Variants in PKDREJ observed in about 807,000 individuals in gnomAD.
PKDREJ encodes the protein polycystin family receptor for egg jelly.
For missense variants in PKDREJ, 2,507 were observed against 2,807.2 expected, an observed-to-expected ratio of 0.89 and a Z score of 2.42; for synonymous variants, 1,031 against 1,095.5, an observed-to-expected ratio of 0.94 and a Z score of 1.16.
In PKDREJ at chr22:46,258,573, C is replaced by G; in HGVS notation, c.4750G>C (p.Val1584Leu). Residue 1584 changes from valine (V) to leucine (L), a missense_variant, in exon 1 of 1, where the codon GTT becomes CTT. Physicochemically the swap from Val to Leu is conservative, Grantham distance 32 (BLOSUM62 1). Coordinates refer to ENST00000253255, the MANE Select transcript of PKDREJ (RefSeq NM_006071.2). This position sits in a 1 kb window ranked among gnomAD's most constrained non-coding sequence, Gnocchi z 6.1. ...GAGGATATGCTAGAAGTAGCAAAAA[C>G]CAAAAACCATGCAACATAAACACAC... ...WWCVYVAWFL[V>L]FATSSISSFF... 3.1e-6 allele frequency: 5 copies of G among 1,614,154 alleles called. No homozygotes were observed. Among genetic ancestry groups the G allele is most frequent in the Non-Finnish European group, 4.2e-6 (5 of 1,180,024 alleles).
chr22:46,256,866 A>G lies in PKDREJ; in HGVS notation c.6457T>C (p.Ser2153Pro), dbSNP rs1332869330. 1 of 1,614,084 alleles carries G rather than the reference A, an allele frequency of 6.2e-7. No individual in the cohort carries two copies. The highest frequency in any genetic ancestry group is 1.1e-5 in the South Asian group (1 of 91,084). The change falls in exon 1 of 1, where the codon TCA becomes CCA. Residue 2153 changes from serine (S) to proline (P), a missense_variant. By Grantham distance (74) the Ser-to-Pro change is moderately conservative. Transcript: ENST00000253255. This position sits in a 1 kb window ranked among gnomAD's most constrained non-coding sequence, Gnocchi z 5.3. ...NNRILGVLFL[S>P]SFMLVMICVL... ...CAGATCATCACCAGCATGAAAGATG[A>G]GAGGAACAGGACCCCCAGAATCCTG...
chr22:46,257,793 C>A lies in PKDREJ; in HGVS notation c.5530G>T (p.Val1844Phe). 6.2e-7 allele frequency: 1 copy of A among 1,614,194 alleles called. No homozygotes were observed. Among genetic ancestry groups the A allele is most frequent in the Non-Finnish European group, 8.5e-7 (1 of 1,180,022 alleles). The change falls in exon 1 of 1, where the codon GTT becomes TTT. Residue 1844 changes from valine (V) to phenylalanine (F), a missense_variant. By Grantham distance (50) the Val-to-Phe change is conservative (BLOSUM62 -1). Transcript: ENST00000253255. This position sits in a 1 kb window ranked among gnomAD's most constrained non-coding sequence, Gnocchi z 4.7. ...CTCTCATCTATAGCCTGCTTATCAA[C>A]TTCATTCCAAAAGCCAGAATAGTTT... ...TKNYSGFWNE[V>F]DKQAIDESTN...
In PKDREJ at chr22:46,261,509, CTG is replaced by C. The variant is rs1469869320; in HGVS notation, c.1812_1813del (p.His604GlnfsTer4). ...TTTTACTGAACTGATTTCACCAACA[CTG>C]TGCAAATCAGAAACAATTATTTTAT... On this transcript the variant is annotated frameshift_variant, in exon 1 of 1. Transcript: ENST00000253255. LOFTEE classifies it low-confidence loss of function (END_TRUNC). The surrounding 1 kb of genome is among the most constrained non-coding windows in gnomAD (Gnocchi z 7.1). 1 of 1,613,906 alleles carries C rather than the reference CTG, an allele frequency of 6.2e-7. No individual in the cohort carries two copies. Among genetic ancestry groups the C allele is most frequent in the African/African-American group, 1.3e-5 (1 of 74,928 alleles).
Position 46,261,183 on chromosome 22 carries a change from C to T in PKDREJ, c.2140G>A (p.Ala714Thr), listed in dbSNP as rs570544658. The change falls in exon 1 of 1, where the codon GCT becomes ACT. Residue 714 changes from alanine (A) to threonine (T), a missense_variant. Ala to Thr is a moderately conservative substitution (Grantham distance 58). Transcript: ENST00000253255. This position sits in a 1 kb window ranked among gnomAD's most constrained non-coding sequence, Gnocchi z 7.1. ...GTTTTCATGTTATTCAAAACGGAAG[C>T]TACTATATACAGTAAGTAACCTGCA... is the stretch of plus-strand genomic sequence containing the variant. ...LPAGYLLYIV[A>T]SVLNNMKTEL... is the part of the protein sequence containing the mutation. The T allele has an allele frequency of 6.2e-7, 1 of 1,614,102 alleles. No homozygotes were observed. Among genetic ancestry groups the T allele is most frequent in the Non-Finnish European group, 8.5e-7 (1 of 1,180,018 alleles).
At position 46,262,888 on chromosome 22, in the gene PKDREJ, C is replaced by G; in HGVS notation, c.435G>C (p.Leu145=). Reference sequence around the variant, plus strand: ...GGGCGGCGCCGGGTCCGAGCAGCCGCAGGCGGAAGGCCCAGGCCAGGCGCC... The same window carrying G: ...GGGCGGCGCCGGGTCCGAGCAGCCGGAGGCGGAAGGCCCAGGCCAGGCGCC... ...SPGRLAWAFR[L]RLLGPGAARP... The change falls in exon 1 of 1, where the codon CTG becomes CTC. Residue 145 remains leucine (L), a synonymous_variant. Coordinates refer to ENST00000253255, the MANE Select transcript of PKDREJ (RefSeq NM_006071.2). The surrounding 1 kb of genome is among the most constrained non-coding windows in gnomAD (Gnocchi z 8.1). The G allele has an allele frequency of 2.8e-6, 3 of 1,077,552 alleles. No individual in the cohort carries two copies. The South Asian group carries it at 1.3e-4, about 47-fold the overall frequency. 66.7% of individuals were successfully genotyped at this position (1,077,552 alleles called of 1,614,324 possible). A position where few individuals can be genotyped will look rare whatever the true frequency, so the allele number is the denominator to read the frequency against.
rs368048445 is a variant in PKDREJ, at chr22:46,257,207, G to A, written c.6116C>T (p.Pro2039Leu). The change falls in exon 1 of 1, where the codon CCC becomes CTC. Residue 2039 changes from proline (P) to leucine (L), a missense_variant. Coordinates refer to ENST00000253255, the MANE Select transcript of PKDREJ (RefSeq NM_006071.2). The surrounding 1 kb of genome is among the most constrained non-coding windows in gnomAD (Gnocchi z 4.7). ...FYLSNPEDFI[P>L]FHAVSQVDHI... ...ATCTACCTGAGAAACTGCATGAAAG[G>A]GAATGAAGTCTTCTGGGTTCGACAA... 8.1e-6 allele frequency: 13 copies of A among 1,613,908 alleles called. No homozygotes were observed. The highest frequency in any genetic ancestry group is 1.1e-5 in the Non-Finnish European group (13 of 1,180,054).
At position 46,256,859 on chromosome 22, in the gene PKDREJ, A is replaced by G. The variant is rs777295525; in HGVS notation, c.6464T>C (p.Phe2155Ser). 68 of 1,613,978 alleles carry G rather than the reference A, an allele frequency of 4.2e-5. No homozygotes were observed. The South Asian group carries it at 6.9e-4, about 16-fold the overall frequency. The change falls in exon 1 of 1, where the codon TTC (phenylalanine) becomes TCC (serine). Residue 2155 changes from phenylalanine (F) to serine (S), a missense_variant. Physicochemically the swap from Phe to Ser is radical, Grantham distance 155 (BLOSUM62 -2). Coordinates refer to ENST00000253255, the MANE Select transcript of PKDREJ (RefSeq NM_006071.2). This position sits in a 1 kb window ranked among gnomAD's most constrained non-coding sequence, Gnocchi z 5.3. Reference sequence around the variant, plus strand: ...CAAGACGCAGATCATCACCAGCATGAAAGATGAGAGGAACAGGACCCCCAG... The same window carrying G: ...CAAGACGCAGATCATCACCAGCATGGAAGATGAGAGGAACAGGACCCCCAG... Reference protein sequence around the residue: ...RILGVLFLSSFMLVMICVLIN... With the variant: ...RILGVLFLSSSMLVMICVLIN...
chr22:46,258,108 A>G lies in PKDREJ; in HGVS notation c.5215T>C (p.Tyr1739His). The G allele has an allele frequency of 6.2e-7, 1 of 1,614,164 alleles. No homozygotes were observed. The highest frequency in any genetic ancestry group is 8.5e-7 in the Non-Finnish European group (1 of 1,179,994). ...AACCGATCACGAATAAACTGGTTATAGTAAAAGCAGTCAGTGTGACGTAGT... is the reference window on the plus strand; with the variant it reads ...AACCGATCACGAATAAACTGGTTATGGTAAAAGCAGTCAGTGTGACGTAGT... ...VLLRHTDCFY[Y>H]NQFIRDRFSM... Residue 1739 changes from tyrosine (Y) to histidine (H), a missense_variant, in exon 1 of 1, where the codon TAT (tyrosine) becomes CAT (histidine). By Grantham distance (83) the Tyr-to-His change is moderately conservative. Transcript: ENST00000253255. The surrounding 1 kb of genome is among the most constrained non-coding windows in gnomAD (Gnocchi z 6.1).
rs773694763 is a variant in PKDREJ at position 46,259,270 on chromosome 22, A to C, written c.4053T>G (p.Arg1351=). ...RTFHVTHPDE[R]LTRKDFFFID... ...TAAAGAAAAAGTCTTTTCTAGTCAG[A>C]CGCTCATCTGGATGGGTAACGTGAA... Residue 1351 remains arginine, a synonymous_variant, in exon 1 of 1, where the codon CGT becomes CGG. Transcript: ENST00000253255. The surrounding 1 kb of genome is among the most constrained non-coding windows in gnomAD (Gnocchi z 6.8). 7.4e-6 allele frequency: 12 copies of C among 1,614,044 alleles called. No homozygotes were observed. The South Asian group carries it at 1.3e-4, about 18-fold the overall frequency.
At position 46,258,254 on chromosome 22, in the gene PKDREJ, G is replaced by C; in HGVS notation, c.5069C>G (p.Thr1690Arg). 6.2e-7 allele frequency: 1 copy of C among 1,614,146 alleles called. No homozygotes were observed. The highest frequency in any genetic ancestry group is 8.5e-7 in the Non-Finnish European group (1 of 1,180,004). The change falls in exon 1 of 1, where the codon ACA becomes AGA. Residue 1690 changes from threonine to arginine, a missense_variant. Thr to Arg is a moderately conservative substitution (Grantham distance 71, BLOSUM62 -1). Coordinates refer to ENST00000253255, the MANE Select transcript of PKDREJ (RefSeq NM_006071.2). The surrounding 1 kb of genome is among the most constrained non-coding windows in gnomAD (Gnocchi z 6.1). ...TTTGAATATTCTGATTTCATCTTCT[G>C]TAAGGGGTTGGTACATCCTCGTGCC... ...IRGTRMYQPLTEDEIRIFKRK... is the reference protein window; with the variant it reads ...IRGTRMYQPLREDEIRIFKRK...
rs199583707 is a variant in PKDREJ at position 46,260,915 on chromosome 22, A to G, written c.2408T>C (p.Ile803Thr). The stretch of plus-strand genomic sequence containing the variant: ...TAGTATTCCAGTACTCACGATTTCT[A>G]TTTGTTCAGATCGAAAGCGTTTATC... ...QKDKRFRSEQ[I>T]EIVSTGILMS... The change falls in exon 1 of 1, where the codon ATA becomes ACA. Residue 803 changes from isoleucine to threonine, a missense_variant. Physicochemically the swap from Ile to Thr is moderately conservative, Grantham distance 89 (BLOSUM62 -1). Coordinates refer to ENST00000253255, the MANE Select transcript of PKDREJ (RefSeq NM_006071.2). The surrounding 1 kb of genome is among the most constrained non-coding windows in gnomAD (Gnocchi z 4.5). 2 of 1,614,076 alleles carry G rather than the reference A, an allele frequency of 1.2e-6. No homozygotes were observed. The highest frequency in any genetic ancestry group is 2.2e-5 in the East Asian group (1 of 44,878).
At position 46,263,014 on chromosome 22, in the gene PKDREJ, G is replaced by A; in HGVS notation, c.309C>T (p.Pro103=). ...LRVLLSAQRL[P]WPAAPALALV... is the part of the protein sequence containing the mutation. ...GCGCGAGCGCGGGCGCGGCCGGCCA[G>A]GGCAGGCGTTGGGCGCTGAGCAGGA... The change falls in exon 1 of 1, where the codon CCC becomes CCT. Residue 103 remains proline, a synonymous_variant. Coordinates refer to ENST00000253255, the MANE Select transcript of PKDREJ (RefSeq NM_006071.2). This position sits in a 1 kb window ranked among gnomAD's most constrained non-coding sequence, Gnocchi z 9.4. The A allele has an allele frequency of 7.8e-7, 1 of 1,287,120 alleles. No homozygotes were observed. The highest frequency in any genetic ancestry group is 9.9e-7 in the Non-Finnish European group (1 of 1,007,824). 79.7% of individuals were successfully genotyped at this position (1,287,120 alleles called of 1,614,324 possible).
chr22:46,261,898 T>C lies in PKDREJ; in HGVS notation c.1425A>G (p.Arg475=). 2.5e-6 allele frequency: 4 copies of C among 1,613,904 alleles called. No homozygotes were observed. The highest frequency in any genetic ancestry group is 1.6e-4 in the Middle Eastern group (1 of 6,062). Residue 475 remains arginine, a synonymous_variant, in exon 1 of 1, where the codon AGA becomes AGG. Transcript: ENST00000253255. The surrounding 1 kb of genome is among the most constrained non-coding windows in gnomAD (Gnocchi z 7.1). ...NCERNFIVSD[R]FSLFLNCTNC... ...TTGTGCAATTTAGGAACAAAGAAAA[T>C]CTATCAGAGACAATGAAGTTTCTCT...
Position 46,263,275 on chromosome 22 carries a change from C to A in PKDREJ, c.48G>T (p.Leu16=). The A allele has an allele frequency of 6.8e-7, 1 of 1,468,308 alleles. No individual in the cohort carries two copies. The highest frequency in any genetic ancestry group is 8.9e-7 in the Non-Finnish European group (1 of 1,118,316). The allele number at this position is 1,468,308 out of a possible 1,614,324, so 91.0% of individuals were successfully genotyped here. A position where few individuals can be genotyped will look rare whatever the true frequency, so the allele number is the denominator to read the frequency against. ...GCGGCAGCGGGAGGCGGCCGACGCT[C>A]AGGCTCAGGCCCACGCCCAGAAGGA... ...ALLLLGVGLS[L]SVGRLPLPPV... The change falls in exon 1 of 1, where the codon CTG becomes CTT. Residue 16 remains leucine, a synonymous_variant. Coordinates refer to ENST00000253255, the MANE Select transcript of PKDREJ (RefSeq NM_006071.2). The surrounding 1 kb of genome is among the most constrained non-coding windows in gnomAD (Gnocchi z 9.4).
Position 46,256,572 on chromosome 22 carries a change from G to A in PKDREJ, c.6751C>T (p.Leu2251Phe). Residue 2251 changes from leucine (L) to phenylalanine (F), a missense_variant, in exon 1 of 1, where the codon CTT becomes TTT. Physicochemically the swap from Leu to Phe is conservative, Grantham distance 22. Transcript: ENST00000253255. The surrounding 1 kb of genome is among the most constrained non-coding windows in gnomAD (Gnocchi z 5.3). ...RNINGKKMVY[L>F]VV ...GAAACCATCATTCATCAAACAACAA[G>A]GTAAACCATTTTCTTCCCGTTGATG... The A allele has an allele frequency of 6.2e-7, 1 of 1,612,444 alleles. No homozygotes were observed. The highest frequency in any genetic ancestry group is 8.5e-7 in the Non-Finnish European group (1 of 1,179,430).
chr22:46,261,886 G>C lies in PKDREJ; in HGVS notation c.1437C>G (p.Phe479Leu). 1.2e-6 allele frequency: 2 copies of C among 1,613,986 alleles called. No individual in the cohort carries two copies. Among genetic ancestry groups the C allele is most frequent in the Non-Finnish European group, 1.7e-6 (2 of 1,179,990 alleles). ...GGCTTGCACAATTTGTGCAATTTAGGAACAAAGAAAATCTATCAGAGACAA... is the reference window on the plus strand; with the variant it reads ...GGCTTGCACAATTTGTGCAATTTAGCAACAAAGAAAATCTATCAGAGACAA... Reference protein sequence around the residue: ...NFIVSDRFSLFLNCTNCASRD... With the variant: ...NFIVSDRFSLLLNCTNCASRD... The change falls in exon 1 of 1, where the codon TTC (phenylalanine) becomes TTG (leucine). Residue 479 changes from phenylalanine (F) to leucine (L), a missense_variant. By Grantham distance (22) the Phe-to-Leu change is conservative. Coordinates refer to ENST00000253255, the MANE Select transcript of PKDREJ (RefSeq NM_006071.2). This position sits in a 1 kb window ranked among gnomAD's most constrained non-coding sequence, Gnocchi z 7.1.
rs754054555 is a variant in PKDREJ, at chr22:46,262,413, C to T, written c.910G>A (p.Val304Met). The T allele has an allele frequency of 1.2e-6, 2 of 1,613,232 alleles. No homozygotes were observed. Among genetic ancestry groups the T allele is most frequent in the Non-Finnish European group, 1.7e-6 (2 of 1,179,412 alleles). The change falls in exon 1 of 1, where the codon GTG becomes ATG. Residue 304 changes from valine to methionine, a missense_variant. Val to Met is a conservative substitution (Grantham distance 21). Coordinates refer to ENST00000253255, the MANE Select transcript of PKDREJ (RefSeq NM_006071.2). This position sits in a 1 kb window ranked among gnomAD's most constrained non-coding sequence, Gnocchi z 8.1. Reference protein sequence around the residue: ...PNNSLQWGVYVFNFTVSITTG... With the variant: ...PNNSLQWGVYMFNFTVSITTG... ...GTGATGGACACCGTGAAATTAAACA[C>T]ATACACTCCCCACTGTAACGAATTA...
Position 46,257,604 on chromosome 22 carries a change from G to T in PKDREJ, c.5719C>A (p.Leu1907Met). 1.2e-6 allele frequency: 2 copies of T among 1,614,074 alleles called. No individual in the cohort carries two copies. Among genetic ancestry groups the T allele is most frequent in the Non-Finnish European group, 1.7e-6 (2 of 1,179,978 alleles). ...RLKELQESNW[L>M]DEKTWAVVLE... ...ACCACAGCCCATGTCTTCTCATCCA[G>T]CCAATTGCTTTCTTGAAGTTCTTTG... is the stretch of plus-strand genomic sequence containing the variant. Residue 1907 changes from leucine to methionine, a missense_variant, in exon 1 of 1, where the codon CTG (leucine) becomes ATG (methionine). Transcript: ENST00000253255. The surrounding 1 kb of genome is among the most constrained non-coding windows in gnomAD (Gnocchi z 4.7).
Position 46,256,874 on chromosome 22 carries a change from A to C in PKDREJ, c.6449T>G (p.Leu2150Arg). ...CACCAGCATGAAAGATGAGAGGAAC[A>C]GGACCCCCAGAATCCTGTTATTGGA... The part of the protein sequence containing the change: ...EFSNNRILGV[L>R]FLSSFMLVMI... The change falls in exon 1 of 1, where the codon CTG (leucine) becomes CGG (arginine). Residue 2150 changes from leucine to arginine, a missense_variant. Transcript: ENST00000253255. This position sits in a 1 kb window ranked among gnomAD's most constrained non-coding sequence, Gnocchi z 5.3. 1.2e-6 allele frequency: 2 copies of C among 1,614,114 alleles called. No homozygotes were observed. The highest frequency in any genetic ancestry group is 1.7e-6 in the Non-Finnish European group (2 of 1,180,042).
Sources: gnomAD v4.1 joint callset for allele counts on GRCh38, gnomAD v4.1.1 for gene constraint, Gnocchi (gnomAD v3.1) non-coding constraint, MANE v1.5 for transcripts, NCBI Gene and HGNC (gene_info 2026-07-23, HGNC 2026-07-21) for gene names.